The following NMNAT3 variants were observed in gnomAD, a reference collection of about 807,000 sequenced individuals.
NMNAT3 encodes the protein nicotinamide nucleotide adenylyltransferase 3.
A neutral mutation model predicts 24.8 loss-of-function variants in NMNAT3; 21 were observed. The observed-to-expected ratio is 0.85, with a 90% CI of 0.60 to 1.22. The LOEUF is 1.22. Ranked by LOEUF, NMNAT3 falls within the 50% of genes most tolerant of loss-of-function variation. The pLI, the probability that NMNAT3 is intolerant of heterozygous loss-of-function variation, is 0.00. For missense variants in NMNAT3, 387 were observed against 436.6 expected (o/e 0.89, Z 1.01); for synonymous variants, 136 against 155.2 (o/e 0.88, Z 0.92).
chr3:139,636,404 G>A (rs1391958886), intron 2 of NMNAT3: 1 of 151,870 alleles, frequency 6.6e-6, no homozygotes, highest in East Asian at 1.9e-4. Flanking sequence ...CCTTACTCAG[G>A]ACTCTGGATG....
chr3:139,649,520 A>G (rs1400259154), intron 1 of NMNAT3, among the ~76,000 whole-genome samples: 2 of 152,212 alleles, frequency 1.3e-5, no homozygotes, highest in Non-Finnish European at 2.9e-5. Flanking sequence ...ACAAAAGCCA[A>G]GGGAATCTGT....
At chr3:139,665,307 A>C (rs2057541855) in intron 1 of NMNAT3, among the ~76,000 whole-genome samples, 1 of 152,184 alleles carries the variant, frequency 6.6e-6, no homozygotes, top group Non-Finnish European at 1.5e-5. Context: ...CAATAAGAGG[A>C]GGCGAAACAC....
In NMNAT3 at chr3:139,595,492, C is replaced by T. The variant is rs138256445; in HGVS notation, c.110-12284G>A. ...GTTCATATGGAACCAAAAAAGAGCC[C>T]GCATTGCGAAGTCAATCCTAAGCCA... On this transcript the variant is annotated intron_variant, in intron 3 of 6. Transcript: ENST00000643695. 7.7e-3 allele frequency among the ~76,000 whole-genome samples: 1,178 copies of T among 152,276 alleles called. 21 individuals carry two copies. The highest frequency in any genetic ancestry group is 0.027 in the African/African-American group (1,106 of 41,564).
At chr3:139,579,166 A>G in intron 4 of NMNAT3, 111 bp from the exon 5 acceptor site, 1 of 831,548 alleles carries the variant, frequency 1.2e-6, no homozygotes. Flanking sequence ...GAGTGGTAGT[A>G]GACTCTGGCA....
intron 2 of NMNAT3, 84 bp from the exon 3 acceptor site, chr3:139,634,731 G>A (rs374216709): frequency 6.6e-6 from 1 of 152,136 alleles, no homozygotes; most frequent in Non-Finnish European, 1.5e-5. Flanking sequence ...CTTTAGTTTC[G>A]AGAAATTTCA....
At chr3:139,573,764 C>A in intron 5 of NMNAT3, 84 bp from the exon 6 acceptor site, 1 of 676,420 alleles carries the variant, frequency 1.5e-6, no homozygotes, top group Non-Finnish European at 2.5e-6. Flanking sequence ...TTGTCTCAGC[C>A]TGCTTTTATC....
intron 3 of NMNAT3, among the ~76,000 whole-genome samples, chr3:139,587,974 C>T (rs2054009111): frequency 6.6e-6 from 1 of 152,198 alleles, no homozygotes; most frequent in African/African-American, 2.4e-5. Context: ...TGGTTTAGCT[C>T]ATCTTGATAG....
At chr3:139,602,771 T>C (rs895544525) in intron 3 of NMNAT3, among the ~76,000 whole-genome samples, 6 of 152,242 alleles carry the variant, frequency 3.9e-5, no homozygotes, top group Admixed American at 6.5e-5. Flanking sequence ...TAAAAGGATA[T>C]GGGTTTCTTA....
intron 1 of NMNAT3, among the ~76,000 whole-genome samples, chr3:139,677,403 A>T (rs1399938029): frequency 6.6e-6 from 1 of 152,164 alleles, no homozygotes; most frequent in Non-Finnish European, 1.5e-5. Flanking sequence ...TTATATTTTT[A>T]ACCTTTGAGT....
intron 6 of NMNAT3, chr3:139,566,922 A>G (rs1421164130): frequency 3.5e-4 from 54 of 152,124 alleles, no homozygotes; most frequent in East Asian, 1.9e-4. Context: ...AGGTTGATGG[A>G]GATGGCATTG....
In NMNAT3 at chr3:139,646,394, T is replaced by C. The variant is rs576183333; in HGVS notation, c.-140-8332A>G. Among the ~76,000 whole-genome samples, 346 of 152,338 alleles carry C rather than the reference T, an allele frequency of 2.3e-3. 2 individuals carry two copies. Among genetic ancestry groups the C allele is most frequent in the African/African-American group, 8.0e-3 (332 of 41,582 alleles). On this transcript the variant is annotated intron_variant, in intron 1 of 6. Transcript: ENST00000643695. The stretch of plus-strand genomic sequence containing the variant: ...ACTTTAGCCATTCACATTCAATAGT[T>C]TTTTATAAGACAGTCTGTGGCAGAT...
chr3:139,677,294 G>T (rs2057961983), intron 1 of NMNAT3, among the ~76,000 whole-genome samples: 1 of 152,182 alleles, frequency 6.6e-6, no homozygotes, highest in South Asian at 2.1e-4. Context: ...GCTGCACGGG[G>T]GAGGGCACCA....
At chr3:139,616,609 G>C (rs1432604628) in intron 3 of NMNAT3, among the ~76,000 whole-genome samples, 1 of 151,988 alleles carries the variant, frequency 6.6e-6, no homozygotes, top group Non-Finnish European at 1.5e-5. Context: ...CTTTCTAGTG[G>C]GTAGCACTCT....
chr3:139,581,167 G>T (rs1472803857), intron 4 of NMNAT3, among the ~76,000 whole-genome samples: 1 of 151,966 alleles, frequency 6.6e-6, no homozygotes, highest in Non-Finnish European at 1.5e-5. Context: ...ACAAAAACAG[G>T]ACTACTCTAG....
intron 1 of NMNAT3, among the ~76,000 whole-genome samples, chr3:139,673,725 G>A (rs906599911): frequency 1.4e-4 from 22 of 151,908 alleles, no homozygotes; most frequent in Non-Finnish European, 2.8e-4. Context: ...ATGTCATTTT[G>A]ACTCACTGTT....
At chr3:139,586,850 T>C (rs1368855584) in intron 3 of NMNAT3, among the ~76,000 whole-genome samples, 1 of 151,320 alleles carries the variant, frequency 6.6e-6, no homozygotes, top group Non-Finnish European at 1.5e-5. Flanking sequence ...GGCCTGAGGG[T>C]GAGGTGAGGT....
At chr3:139,627,835 CCA>C (rs552855640) in intron 2 of NMNAT3, 71 bp from the exon 4 acceptor site, 1 of 561,066 alleles carries the variant, frequency 1.8e-6, no homozygotes, top group Non-Finnish European at 3.1e-6. Context: ...TCTCTCTAAA[CCA>C]CACACAGACC....
At chr3:139,580,231 T>A (rs193288733) in intron 4 of NMNAT3, among the ~76,000 whole-genome samples, 142 of 152,118 alleles carry the variant, frequency 9.3e-4, no homozygotes, top group Admixed American at 3.1e-3. Flanking sequence ...AGTGCAGTGG[T>A]GCAATCTCAG....
In NMNAT3 at chr3:139,671,616, T is replaced by TCA. The variant is rs779552678; in HGVS notation, c.-141+6088_-141+6089insTG. On this transcript the variant is annotated intron_variant, in intron 1 of 6. Coordinates refer to ENST00000643695, the MANE Select transcript of NMNAT3 (RefSeq NM_001320510.2). ...GACAGTGGTATCCTTTCTCTCTCTC[T>TCA]CTCACACACACACACACACAAACAT... Among the ~76,000 whole-genome samples the TCA allele has an allele frequency of 6.3e-4, 85 of 135,634 alleles. 3 individuals carry two copies. In the South Asian group the frequency reaches 0.02, roughly 32 times the overall value. 89.0% of individuals were successfully genotyped at this position (135,634 alleles called of 152,430 possible).
Sources: gnomAD v4.1 joint callset for allele counts (sites outside exome capture counted in the v4.1 genomes callset) on GRCh38, gnomAD v4.1.1 for gene constraint, MANE v1.5 for transcripts, NCBI Gene and HGNC (gene_info 2026-07-23, HGNC 2026-07-21) for gene names.